The following PPFIA2 variants were observed in gnomAD, a reference collection of about 807,000 sequenced individuals.
PPFIA2 encodes the protein PPFI scaffold protein A2.
A neutral mutation model predicts 175.5 loss-of-function variants in PPFIA2; 46 were observed. The ratio of observed to expected loss-of-function variants is 0.26; its 90% CI spans 0.21 to 0.34. The LOEUF is 0.34. PPFIA2 is among the 10% of genes least tolerant of loss of function. The pLI, the probability that PPFIA2 is intolerant of heterozygous loss-of-function variation, is 1.00. For missense variants in PPFIA2, 1,179 were observed against 1,506.1 expected, an observed-to-expected ratio of 0.78 and a Z score of 3.60; for synonymous variants, 568 against 511.4, an observed-to-expected ratio of 1.11 and a Z score of -1.49.
chr12:81,519,340 A>T lies in PPFIA2; in HGVS notation c.304-61474T>A, dbSNP rs553328157. Among the ~76,000 whole-genome samples, 4 of 152,330 alleles carry T rather than the reference A, an allele frequency of 2.6e-5. No individual in the cohort carries two copies. The East Asian group carries it at 7.7e-4, about 29-fold the overall frequency. On this transcript the variant is annotated intron_variant, in intron 4 of 32. Coordinates refer to ENST00000549396, the MANE Select transcript of PPFIA2 (RefSeq NM_003625.5). ...TTAAAAGACTTGAAAATACTTAAAG[A>T]CTAATTTTAATGCTGTCTTTCAGCA...
intron 4 of PPFIA2, among the ~76,000 whole-genome samples, chr12:81,514,949 C>CT (rs929778104): frequency 1.3e-5 from 2 of 151,822 alleles, no homozygotes; most frequent in Non-Finnish European, 3.0e-5. Context: ...TTCTTATCCA[C>CT]TTTTTTGCAT....
rs561389445 is a variant in PPFIA2 at position 81,452,526 on chromosome 12, C to T, written c.405+5239G>A. ...GAAATTGAAATAGCTGTTGGGAGGG[C>T]GTATGTCCTATCCTATTTACTCTTG... On this transcript the variant is annotated intron_variant, in intron 5 of 32. Coordinates refer to ENST00000549396, the MANE Select transcript of PPFIA2 (RefSeq NM_003625.5). 1.1e-4 allele frequency among the ~76,000 whole-genome samples: 17 copies of T among 152,250 alleles called. 1 individual carries two copies. The Middle Eastern group carries it at 0.02, about 183-fold the overall frequency.
intron 5 of PPFIA2, among the ~76,000 whole-genome samples, chr12:81,447,866 C>A (rs1289780720): frequency 6.6e-6 from 1 of 152,042 alleles, no homozygotes; most frequent in East Asian, 1.9e-4. Context: ...CAGATTTGGC[C>A]TATATGAAAG....
chr12:81,369,498 T>G, intron 11 of PPFIA2: 1 of 1,139,730 alleles, frequency 8.8e-7, no homozygotes, highest in Non-Finnish European at 1.1e-6. Context: ...CTTAAGCTCC[T>G]GAAGCACTGA....
At chr12:81,692,109 G>GAC (rs71098161) in intron 3 of PPFIA2, among the ~76,000 whole-genome samples, 249 of 149,288 alleles carry the variant, frequency 1.7e-3, no homozygotes, top group Middle Eastern at 3.4e-3. Flanking sequence ...CACAAACACA[G>GAC]ACACACACAC....
chr12:81,313,443 A>G (rs900427159), intron 22 of PPFIA2, among the ~76,000 whole-genome samples: 1 of 152,030 alleles, frequency 6.6e-6, no homozygotes, highest in Non-Finnish European at 1.5e-5. Flanking sequence ...TGTACTTTTT[A>G]TTAAATCGGC....
At chr12:81,550,100 C>T (rs1490893231) in intron 4 of PPFIA2, among the ~76,000 whole-genome samples, 2 of 151,920 alleles carry the variant, frequency 1.3e-5, no homozygotes, top group Non-Finnish European at 2.9e-5. Context: ...AATTACTTAG[C>T]AGGAGGCACT....
intron 4 of PPFIA2, among the ~76,000 whole-genome samples, chr12:81,648,674 C>T (rs1413979766): frequency 1.3e-5 from 2 of 150,438 alleles, no homozygotes; most frequent in Admixed American, 6.6e-5. Flanking sequence ...TTACTCAGAA[C>T]GTGAAGGCCT....
chr12:81,496,683 T>C (rs2060061624), intron 4 of PPFIA2, among the ~76,000 whole-genome samples: 1 of 152,192 alleles, frequency 6.6e-6, no homozygotes, highest in Non-Finnish European at 1.5e-5. Context: ...GAGAGTCCAA[T>C]GTTTCTAGGC....
At chr12:81,460,964 T>G (rs1301761397) in intron 4 of PPFIA2, among the ~76,000 whole-genome samples, 1 of 152,038 alleles carries the variant, frequency 6.6e-6, no homozygotes. Flanking sequence ...GTTGTTTGTT[T>G]CCCCTGACCA....
At chr12:81,581,387 G>A (rs931744953) in intron 4 of PPFIA2, among the ~76,000 whole-genome samples, 2 of 151,652 alleles carry the variant, frequency 1.3e-5, no homozygotes, top group Non-Finnish European at 2.9e-5. Context: ...GGATGACATT[G>A]TAAAGAGACT....
chr12:81,593,112 T>C (rs1393256538), intron 4 of PPFIA2, among the ~76,000 whole-genome samples: 5 of 152,124 alleles, frequency 3.3e-5, no homozygotes, highest in Non-Finnish European at 1.5e-5. Context: ...AGTTTACATA[T>C]CAGTCTCCTA....
At chr12:81,323,414 T>C (rs570627540) in intron 22 of PPFIA2, among the ~76,000 whole-genome samples, 1 of 152,100 alleles carries the variant, frequency 6.6e-6, no homozygotes, top group Admixed American at 6.6e-5. Context: ...CTCAACATTA[T>C]GAAAAATGTT....
At chr12:81,615,933 G>T (rs2061393498) in intron 4 of PPFIA2, among the ~76,000 whole-genome samples, 1 of 152,142 alleles carries the variant, frequency 6.6e-6, no homozygotes, top group Non-Finnish European at 1.5e-5. Flanking sequence ...TCCTTGAGTA[G>T]ATGAGAAGAG....
At chr12:81,297,384 A>C (rs2046735444) in intron 23 of PPFIA2, among the ~76,000 whole-genome samples, 1 of 152,182 alleles carries the variant, frequency 6.6e-6, no homozygotes, top group Non-Finnish European at 1.5e-5. Context: ...TACAATATTA[A>C]AAGACTATTT....
chr12:81,750,412 G>C (rs2083593801), intron 3 of PPFIA2, among the ~76,000 whole-genome samples: 2 of 143,284 alleles, frequency 1.4e-5, no homozygotes, highest in Admixed American at 7.4e-5. Context: ...ACTGAATTTA[G>C]AGAAGGAAGA....
chr12:81,705,252 A>C (rs2076983105), intron 3 of PPFIA2, among the ~76,000 whole-genome samples: 2 of 151,104 alleles, frequency 1.3e-5, no homozygotes, highest in Admixed American at 1.3e-4. Context: ...GATCGAGACT[A>C]TCCTATCCTG....
chr12:81,683,229 C>T (rs2073941622), intron 3 of PPFIA2, among the ~76,000 whole-genome samples: 1 of 151,996 alleles, frequency 6.6e-6, no homozygotes, highest in Non-Finnish European at 1.5e-5. Context: ...CATCAGCAAA[C>T]CCCACTAAGT....
rs145089755 is a variant in PPFIA2, at chr12:81,671,349, C to T, written c.303+5442G>A. 2.0e-5 allele frequency among the ~76,000 whole-genome samples: 3 copies of T among 152,030 alleles called. No individual in the cohort carries two copies. In the East Asian group the frequency reaches 5.8e-4, roughly 30 times the overall value. ...CTTCTCCATTCTTGTTGTCACCTTACAGGCTTTTATTAACCATCTAATTTT... is the reference window on the plus strand; with the variant it reads ...CTTCTCCATTCTTGTTGTCACCTTATAGGCTTTTATTAACCATCTAATTTT... On this transcript the variant is annotated intron_variant, in intron 4 of 32. Transcript: ENST00000549396.
Sources: allele counts gnomAD v4.1 joint callset (sites outside exome capture counted in the v4.1 genomes callset), GRCh38; gene constraint gnomAD v4.1.1; transcripts MANE v1.5; gene names NCBI Gene and HGNC (gene_info 2026-07-23, HGNC 2026-07-21).